The following SORCS2 variants were observed in gnomAD, a reference collection of about 807,000 sequenced individuals.
SORCS2 encodes sortilin related VPS10 domain containing receptor 2.
In SORCS2, 100 loss-of-function variants were observed where a neutral mutation model predicts 141.6. The ratio of observed to expected loss-of-function variants is 0.71; its 90% confidence interval spans 0.60 to 0.83. The LOEUF (loss-of-function observed/expected upper bound fraction) is 0.83, where lower values mean the gene tolerates loss of function less well. Ranked by LOEUF, SORCS2 falls within the 40% of genes least tolerant of loss-of-function variation. The probability of loss-of-function intolerance (pLI) is 0.00; values close to 1 mark genes in which losing one functional copy is unlikely to be tolerated. For synonymous variants in SORCS2, 789 were observed against 676.9 expected, an observed-to-expected ratio of 1.17 and a Z score of -2.57; for missense variants, 1,646 against 1,560.2, an observed-to-expected ratio of 1.05 and a Z score of -0.93.
chr4:7,704,098 C>G, intron 13 of SORCS2, 79 bp from the exon 14 acceptor site: 1 of 1,359,276 alleles, frequency 7.4e-7, no homozygotes, highest in South Asian at 1.2e-5. Flanking sequence ...GCCCCTCCAG[C>G]TGGACCCGCC....
At chr4:7,585,400 C>T (rs1366548350) in intron 3 of SORCS2, among the ~76,000 whole-genome samples, 1 of 152,170 alleles carries the variant, frequency 6.6e-6, no homozygotes, top group African/African-American at 2.4e-5. Context: ...GAAAAGGGAA[C>T]CCAGCCTGAG....
intron 2 of SORCS2, among the ~76,000 whole-genome samples, chr4:7,490,447 C>A (rs1189834509): frequency 6.6e-6 from 1 of 152,122 alleles, no homozygotes; most frequent in Non-Finnish European, 1.5e-5. Context: ...GGTCTCTGCC[C>A]CAGGAGGATT....
intron 2 of SORCS2, among the ~76,000 whole-genome samples, chr4:7,474,805 T>A (rs778083675): frequency 6.6e-6 from 1 of 152,166 alleles, no homozygotes; most frequent in Non-Finnish European, 1.5e-5. Flanking sequence ...ATTTATCCTC[T>A]ACAGCTCTGG....
chr4:7,362,078 G>A (rs1721615718), intron 1 of SORCS2, among the ~76,000 whole-genome samples: 1 of 152,162 alleles, frequency 6.6e-6, no homozygotes, highest in Admixed American at 6.5e-5. Flanking sequence ...TCTGGGATGG[G>A]CTCTGTGATC....
intron 1 of SORCS2, among the ~76,000 whole-genome samples, chr4:7,305,551 G>T (rs1229534947): frequency 6.6e-6 from 1 of 152,192 alleles, no homozygotes; most frequent in Non-Finnish European, 1.5e-5. Flanking sequence ...GTTGGGGGAT[G>T]CATTTATCAG....
chr4:7,654,094 C>A, intron 4 of SORCS2, 40 bp from the exon 5 acceptor site: 2 of 1,527,958 alleles, frequency 1.3e-6, no homozygotes, highest in Non-Finnish European at 8.9e-7. Flanking sequence ...TTATTCCTGA[C>A]GTCCTGACCA....
intron 19 of SORCS2, among the ~76,000 whole-genome samples, chr4:7,724,748 A>G (rs1234371304): frequency 9.1e-5 from 7 of 76,894 alleles, no homozygotes; most frequent in African/African-American, 3.9e-4. Flanking sequence ...AGTAGTGGTG[A>G]TGGTGGTGGT....
At chr4:7,732,285 A>G (rs1431415765) in intron 23 of SORCS2, among the ~76,000 whole-genome samples, 5 of 152,168 alleles carry the variant, frequency 3.3e-5, no homozygotes, top group Non-Finnish European at 7.4e-5. Flanking sequence ...TGTCAAAATA[A>G]CAGAGCTGAC....
At chr4:7,252,484 T>C (rs1030815188) in intron 1 of SORCS2, among the ~76,000 whole-genome samples, 2 of 152,212 alleles carry the variant, frequency 1.3e-5, no homozygotes, top group African/African-American at 4.8e-5. Flanking sequence ...CCTATGATGG[T>C]TGAACTTTTT....
chr4:7,650,324 C>A (rs1051327802), intron 4 of SORCS2, among the ~76,000 whole-genome samples: 1 of 152,174 alleles, frequency 6.6e-6, no homozygotes, highest in African/African-American at 2.4e-5. Flanking sequence ...TGGAGCGGAT[C>A]CTGCTATTAC....
chr4:7,440,816 G>A (rs1253335366), intron 2 of SORCS2, among the ~76,000 whole-genome samples: 1 of 152,180 alleles, frequency 6.6e-6, no homozygotes, highest in Non-Finnish European at 1.5e-5. Context: ...TGGGCATCAC[G>A]GGTCACTCAT....
At position 7,535,508 on chromosome 4, in the gene SORCS2, C is replaced by G. The variant is rs569996764; in HGVS notation, c.648+3879C>G. On this transcript the variant is annotated intron_variant, in intron 3 of 26. Transcript: ENST00000507866. ...GTGAACCGCCCTTGTTCTGGGCTTC[C>G]TCATTGGTGAAATGGGGGTAGTAGC... Among the ~76,000 whole-genome samples the G allele has an allele frequency of 3.3e-5, 5 of 152,308 alleles. No individual in the cohort carries two copies. In the East Asian group the frequency reaches 9.7e-4, roughly 29 times the overall value.
Position 7,691,951 on chromosome 4 carries a change from C to T in SORCS2, c.1591+2363C>T, listed in dbSNP as rs555341402. Among the ~76,000 whole-genome samples the T allele has an allele frequency of 2.0e-5, 3 of 152,030 alleles. No individual in the cohort carries two copies. In the East Asian group the frequency reaches 5.8e-4, roughly 30 times the overall value. On this transcript the variant is annotated intron_variant, in intron 11 of 26. Coordinates refer to ENST00000507866, the MANE Select transcript of SORCS2 (RefSeq NM_020777.3). ...AAAGCACCGAGAGCAGCCCCCCTCA[C>T]TCTGTGGGGGTGTCAGTCACAGCCT... is the stretch of plus-strand genomic sequence containing the variant.
chr4:7,328,818 C>A (rs1719456217), intron 1 of SORCS2, among the ~76,000 whole-genome samples: 1 of 152,224 alleles, frequency 6.6e-6, no homozygotes, highest in East Asian at 1.9e-4. Context: ...GGCAGAGTTG[C>A]CTCAGCCAGC....
At chr4:7,327,147 G>A (rs1267491249) in intron 1 of SORCS2, among the ~76,000 whole-genome samples, 5 of 152,304 alleles carry the variant, frequency 3.3e-5, no homozygotes, top group Admixed American at 1.3e-4. Flanking sequence ...CCGCCGCAAC[G>A]TTCCACCGAG....
chr4:7,244,178 A>T (rs1342514951), intron 1 of SORCS2, among the ~76,000 whole-genome samples: 1 of 152,118 alleles, frequency 6.6e-6, no homozygotes, highest in Non-Finnish European at 1.5e-5. Flanking sequence ...CAGCCTCCAG[A>T]ACCTGCCAAT....
chr4:7,244,120 GC>G (rs1249971381), intron 1 of SORCS2, among the ~76,000 whole-genome samples: 1 of 152,204 alleles, frequency 6.6e-6, no homozygotes, highest in Non-Finnish European at 1.5e-5. Flanking sequence ...CACTTCTGAA[GC>G]ACATAGGAAG....
intron 3 of SORCS2, among the ~76,000 whole-genome samples, chr4:7,621,267 C>T (rs138627085): frequency 6.6e-6 from 1 of 152,208 alleles, no homozygotes; most frequent in Non-Finnish European, 1.5e-5. Context: ...CTCCCACTCC[C>T]TCCCGGCATC....
chr4:7,550,328 C>T (rs1201062922), intron 3 of SORCS2, among the ~76,000 whole-genome samples: 1 of 152,124 alleles, frequency 6.6e-6, no homozygotes. Context: ...CCTGTTTGCT[C>T]CCGCTGGGGG....
Sources: gnomAD v4.1 joint callset for allele counts (sites outside exome capture counted in the v4.1 genomes callset) on GRCh38, gnomAD v4.1.1 for gene constraint, MANE v1.5 for transcripts, NCBI Gene and HGNC (gene_info 2026-07-23, HGNC 2026-07-21) for gene names.